The following NLRP14 variants were observed in gnomAD, a reference collection of about 807,000 sequenced individuals.
The protein encoded by NLRP14 is NLR family pyrin domain containing 14.
NLRP14 carries 105 observed loss-of-function variants against 94.7 expected under a neutral mutation model. The observed-to-expected ratio is 1.11, with a 90% CI of 0.95 to 1.30. The LOEUF is 1.30. Among genes scored for constraint, NLRP14 ranks in the 50% most tolerant of loss-of-function variants. NLRP14 has a pLI of 0.00. For synonymous variants in NLRP14, 508 were observed against 459.9 expected (o/e 1.10, Z -1.34); for missense variants, 1,362 against 1,254.1 (o/e 1.09, Z -1.30).
At chr11:7,026,202 A>G (rs1334584672) in intron 1 of NLRP14, among the ~76,000 whole-genome samples, 2 of 152,204 alleles carry the variant, frequency 1.3e-5, no homozygotes, top group Non-Finnish European at 2.9e-5. Context: ...AGAAACTACC[A>G]TCAGAGTGAA....
intron 6 of NLRP14, among the ~76,000 whole-genome samples, chr11:7,051,338 A>T (rs1852438756): frequency 6.6e-6 from 1 of 152,222 alleles, no homozygotes; most frequent in Non-Finnish European, 1.5e-5. Context: ...TTCATATCTC[A>T]TGTTATAAGA....
At chr11:7,026,031 A>G (rs547361569) in intron 1 of NLRP14, among the ~76,000 whole-genome samples, 3 of 152,352 alleles carry the variant, frequency 2.0e-5, no homozygotes, top group African/African-American at 7.2e-5. Context: ...AAAACTGATT[A>G]TGAGTTTTGC....
the NLRP14 span, among the ~76,000 whole-genome samples, chr11:7,082,364 G>T: frequency 1.3e-5 from 2 of 152,058 alleles, no homozygotes; most frequent in Non-Finnish European, 2.9e-5. Context: ...AAATAAAGTC[G>T]AAAGATGCTG....
intron 4 of NLRP14, among the ~76,000 whole-genome samples, chr11:7,046,259 G>T (rs1024350743): frequency 1.3e-5 from 2 of 152,094 alleles, no homozygotes; most frequent in African/African-American, 4.8e-5. Flanking sequence ...CTGGGGCTCA[G>T]GCCTGTGGTT....
chr11:7,034,359 G>A (rs1852134317), intron 1 of NLRP14, among the ~76,000 whole-genome samples: 1 of 151,928 alleles, frequency 6.6e-6, no homozygotes, highest in South Asian at 2.1e-4. Context: ...CCTTATTTCT[G>A]GCACTATGAG....
At chr11:7,030,313 C>T (rs541846836) in intron 1 of NLRP14, among the ~76,000 whole-genome samples, 1 of 152,330 alleles carries the variant, frequency 6.6e-6, no homozygotes, top group African/African-American at 2.4e-5. Context: ...AACACACAGC[C>T]TTGGTGACTA....
chr11:7,089,048 C>A, the NLRP14 span: 1 of 1,527,920 alleles, frequency 6.5e-7, no homozygotes, highest in East Asian at 2.4e-5. Flanking sequence ...CCTCGACGAG[C>A]GAGCTCGAAG....
intron 1 of NLRP14, among the ~76,000 whole-genome samples, chr11:7,026,014 C>T (rs1443752808): frequency 1.3e-5 from 2 of 152,168 alleles, no homozygotes; most frequent in Admixed American, 1.3e-4. Flanking sequence ...GTACATAGAA[C>T]ATTTACAAAA....
the NLRP14 span, among the ~76,000 whole-genome samples, chr11:7,085,329 C>A: frequency 6.6e-6 from 1 of 152,184 alleles, no homozygotes. Flanking sequence ...TGTAACCAAT[C>A]CCCAGAACTT....
chr11:7,089,895 G>A, the NLRP14 span: 1 of 1,612,942 alleles, frequency 6.2e-7, no homozygotes, highest in South Asian at 1.1e-5. Flanking sequence ...AGGCTACAGC[G>A]ACCGAGACGG....
chr11:7,089,881 T>G, the NLRP14 span: 1 of 1,612,360 alleles, frequency 6.2e-7, no homozygotes, highest in African/African-American at 1.3e-5. Context: ...GACTGTCCCT[T>G]GAGAGGCTAC....
chr11:7,043,986 T>A lies in NLRP14; in HGVS notation c.1958+2T>A. ...AACAAGCCTCCCAACTAACACTTGG[T>A]AAGTGTGTTAGGGCCATTCCCTGGA... On this transcript the variant is annotated splice_donor_variant, in intron 4 of 11. Transcript: ENST00000299481. LOFTEE classifies it high-confidence loss of function. 1 of 1,613,068 alleles carries A rather than the reference T, an allele frequency of 6.2e-7. No homozygotes were observed. Among genetic ancestry groups the A allele is most frequent in the Middle Eastern group, 1.7e-4 (1 of 6,058 alleles).
intron 10 of NLRP14, 134 bp from the exon 11 acceptor site, chr11:7,070,152 T>C (rs569670866): frequency 1.5e-6 from 1 of 686,896 alleles, no homozygotes; most frequent in East Asian, 2.7e-5. Context: ...CTTATAGTCC[T>C]TGAATTTATA....
Position 7,039,711 on chromosome 11 carries a change from C to G in NLRP14, c.290-3C>G. 2 of 1,612,126 alleles carry G rather than the reference C, an allele frequency of 1.2e-6. No individual in the cohort carries two copies. Among genetic ancestry groups the G allele is most frequent in the Non-Finnish European group, 1.7e-6 (2 of 1,178,192 alleles). Reference sequence around the variant, plus strand: ...ATCATGATCCTATCGGAACCTGTTGCAGGGTCGGCCCAGACTATAGGACCA... The same window carrying G: ...ATCATGATCCTATCGGAACCTGTTGGAGGGTCGGCCCAGACTATAGGACCA... On this transcript the variant is annotated splice_region_variant and splice_polypyrimidine_tract_variant and intron_variant, in intron 2 of 11. Transcript: ENST00000299481.
At chr11:7,062,545 G>A (rs1237150987) in intron 10 of NLRP14, 42 bp downstream of exon 10, 2 of 1,546,024 alleles carry the variant, frequency 1.3e-6, no homozygotes, top group African/African-American at 1.4e-5. Context: ...TGCCTATTTG[G>A]TAGCTAGTAT....
Position 7,070,272 on chromosome 11 carries a change from T to C in NLRP14, c.2976-14T>C. 6.3e-7 allele frequency: 1 copy of C among 1,594,922 alleles called. No homozygotes were observed. On this transcript the variant is annotated splice_polypyrimidine_tract_variant and intron_variant, in intron 10 of 11. Coordinates refer to ENST00000299481, the MANE Select transcript of NLRP14 (RefSeq NM_176822.4). ...AATAAATTCATTTTTATCTTTTGTC[T>C]CTCTTCTCTACAGGTTGGAATACTG...
chr11:7,048,536 C>A (rs1589864973), intron 5 of NLRP14, among the ~76,000 whole-genome samples: 1 of 152,128 alleles, frequency 6.6e-6, no homozygotes, highest in African/African-American at 2.4e-5. Context: ...GGACAGGCTT[C>A]TCACCAAATA....
downstream of NLRP14, among the ~76,000 whole-genome samples, chr11:7,076,009 G>T (rs1478629397): frequency 6.6e-6 from 1 of 152,240 alleles, no homozygotes; most frequent in Non-Finnish European, 1.5e-5. Context: ...TGATGTGTCA[G>T]TGTTTCACTT....
intron 2 of NLRP14, 94 bp from the exon 3 acceptor site, chr11:7,039,620 G>A: frequency 2.0e-6 from 2 of 978,594 alleles, no homozygotes; most frequent in Non-Finnish European, 3.3e-6. Flanking sequence ...CATAGAATTG[G>A]ACCACTTATG....
Sources: gnomAD v4.1 joint callset for allele counts (sites outside exome capture counted in the v4.1 genomes callset) on GRCh38, gnomAD v4.1.1 for gene constraint, MANE v1.5 for transcripts, NCBI Gene and HGNC (gene_info 2026-07-23, HGNC 2026-07-21) for gene names.